UBR3: variants seen among roughly 807,000 people sequenced by gnomAD.
The protein encoded by UBR3 is ubiquitin protein ligase E3 component n-recognin 3.
A neutral mutation model predicts 243.2 loss-of-function variants in UBR3; 85 were observed. That is an observed-to-expected ratio of 0.35 (90% CI 0.29 to 0.42). The LOEUF is 0.42. UBR3 is among the 10% of genes least tolerant of loss of function. The probability of loss-of-function intolerance (pLI) is 1.00; values close to 1 mark genes in which losing one functional copy is unlikely to be tolerated. For missense variants in UBR3, 1,686 were observed against 2,300.8 expected (o/e 0.73, Z 5.47); for synonymous variants, 748 against 799.8 (o/e 0.94, Z 1.09).
intron 29 of UBR3, among the ~76,000 whole-genome samples, chr2:170,013,354 G>C (rs2090142339): frequency 6.6e-6 from 1 of 152,032 alleles, no homozygotes; most frequent in Non-Finnish European, 1.5e-5. Context: ...CCTATTCCTG[G>C]ATACTTGGGA....
At chr2:169,878,599 T>C (rs2083705774) in intron 5 of UBR3, 25 bp downstream of exon 5, 1 of 1,542,786 alleles carries the variant, frequency 6.5e-7, no homozygotes, top group South Asian at 1.2e-5. Flanking sequence ...TCAAAACTTT[T>C]TAAAAAGTAC....
At chr2:169,859,562 G>A (rs1466906663) in intron 1 of UBR3, among the ~76,000 whole-genome samples, 1 of 151,716 alleles carries the variant, frequency 6.6e-6, no homozygotes, top group Non-Finnish European at 1.5e-5. Flanking sequence ...AGCTCACTGA[G>A]GTTCTGTTTA....
At chr2:170,054,564 G>A (rs2091291740) in intron 32 of UBR3, among the ~76,000 whole-genome samples, 1 of 151,884 alleles carries the variant, frequency 6.6e-6, no homozygotes, top group Non-Finnish European at 1.5e-5. Context: ...TTACAGGCGT[G>A]AGCCACCGCC....
At chr2:169,952,151 G>A (rs12464797) in intron 23 of UBR3, among the ~76,000 whole-genome samples, 111,803 of 151,924 alleles carry the variant, frequency 0.74, 42,574 homozygotes, top group East Asian at 0.88. Flanking sequence ...AAGACTGAAT[G>A]TAGAACTTAA....
chr2:169,947,902 C>G, intron 22 of UBR3, 187 bp downstream of exon 22: 1 of 985,156 alleles, frequency 1.0e-6, no homozygotes, highest in Non-Finnish European at 1.2e-6. Context: ...CTTAATCTGC[C>G]AGAGTTCACG....
intron 23 of UBR3, among the ~76,000 whole-genome samples, chr2:169,956,996 C>G (rs901983587): frequency 6.6e-6 from 1 of 152,152 alleles, no homozygotes; most frequent in African/African-American, 2.4e-5. Context: ...ATGGGTATGA[C>G]ACAAAGGACA....
chr2:169,991,017 G>A (rs1477323179), intron 25 of UBR3, among the ~76,000 whole-genome samples: 2 of 152,048 alleles, frequency 1.3e-5, no homozygotes. Context: ...GTGAAAGGAT[G>A]GGAAAAGATT....
intron 1 of UBR3, among the ~76,000 whole-genome samples, chr2:169,870,622 G>A (rs1020704755): frequency 2.0e-5 from 3 of 151,658 alleles, no homozygotes; most frequent in African/African-American, 7.3e-5. Context: ...AAATCTAATG[G>A]CATTAAGTCT....
At chr2:170,075,934 T>C (rs952489991) in intron 36 of UBR3, among the ~76,000 whole-genome samples, 6 of 148,892 alleles carry the variant, frequency 4.0e-5, no homozygotes, top group African/African-American at 7.4e-5. Context: ...AAAAACAGGA[T>C]TCATTGGAAG....
intron 5 of UBR3, among the ~76,000 whole-genome samples, chr2:169,890,540 G>GTGTGT (rs2084295661): frequency 2.6e-5 from 2 of 76,020 alleles, no homozygotes; most frequent in African/African-American, 1.3e-4. Context: ...GAGAGAGAGA[G>GTGTGT]ATATATATAT....
At chr2:170,080,158 A>C in intron 37 of UBR3, 135 bp downstream of exon 37, 6 of 845,096 alleles carry the variant, frequency 7.1e-6, no homozygotes, top group Non-Finnish European at 1.1e-5. Flanking sequence ...TGTGTTTTTT[A>C]ATCCAGTAGA....
chr2:169,958,407 A>G, intron 23 of UBR3, 31 bp from the exon 24 acceptor site: 1 of 1,603,338 alleles, frequency 6.2e-7, no homozygotes, highest in Non-Finnish European at 8.5e-7. Context: ...AGCGCATCTG[A>G]TACTTAAAAC....
At chr2:169,855,736 T>C (rs1196018212) in intron 1 of UBR3, among the ~76,000 whole-genome samples, 2 of 152,262 alleles carry the variant, frequency 1.3e-5, no homozygotes, top group Non-Finnish European at 2.9e-5. Context: ...TGGAGTCTCC[T>C]ATGTCTACTT....
intron 32 of UBR3, among the ~76,000 whole-genome samples, chr2:170,046,928 T>A (rs2091103047): frequency 6.6e-6 from 1 of 152,180 alleles, no homozygotes; most frequent in Non-Finnish European, 1.5e-5. Flanking sequence ...TTTAAATACT[T>A]CAGGTTGGCT....
intron 32 of UBR3, among the ~76,000 whole-genome samples, chr2:170,045,566 A>G (rs929954115): frequency 9.2e-5 from 14 of 152,186 alleles, no homozygotes; most frequent in Admixed American, 8.5e-4. Flanking sequence ...GGGCCCAGAA[A>G]AGAGAGCTTG....
intron 13 of UBR3, among the ~76,000 whole-genome samples, chr2:169,924,834 A>G (rs2085845117): frequency 6.6e-6 from 1 of 152,172 alleles, no homozygotes; most frequent in African/African-American, 2.4e-5. Flanking sequence ...AGAAATCGAG[A>G]CCATCCTGGC....
chr2:170,020,104 G>C (rs1402145111), intron 30 of UBR3, among the ~76,000 whole-genome samples: 4 of 152,102 alleles, frequency 2.6e-5, no homozygotes, highest in Non-Finnish European at 5.9e-5. Context: ...AAGTAGTCTG[G>C]CCTTATTCTT....
chr2:170,045,895 A>G (rs11885174), intron 32 of UBR3, among the ~76,000 whole-genome samples: 57,574 of 151,746 alleles, frequency 0.38, 11,007 homozygotes, highest in South Asian at 0.51. Context: ...ACAATTAAAA[A>G]TGAACAGTTA....
chr2:169,991,604 A>G (rs2089276035), intron 25 of UBR3, among the ~76,000 whole-genome samples: 1 of 152,090 alleles, frequency 6.6e-6, no homozygotes, highest in African/African-American at 2.4e-5. Flanking sequence ...TTTTTTTGAG[A>G]TGGAGTCTCA....
Sources: gnomAD v4.1 joint callset for allele counts (sites outside exome capture counted in the v4.1 genomes callset) on GRCh38, gnomAD v4.1.1 for gene constraint, MANE v1.5 for transcripts, NCBI Gene and HGNC (gene_info 2026-07-23, HGNC 2026-07-21) for gene names.